The following ADAMTS17 variants were observed in gnomAD, a reference collection of about 807,000 sequenced individuals.
The protein encoded by ADAMTS17 is A disintegrin and metalloproteinase with thrombospondin motifs 17.
In ADAMTS17, 113 loss-of-function variants were observed where a neutral mutation model predicts 141.5. That is an observed-to-expected ratio of 0.80 (90% confidence interval 0.69 to 0.93). ADAMTS17 has a LOEUF of 0.93. Ranked by LOEUF, ADAMTS17 falls within the 40% of genes least tolerant of loss-of-function variation. The pLI is 0.00. For synonymous variants in ADAMTS17, 768 were observed against 630.6 expected, an observed-to-expected ratio of 1.22 and a Z score of -3.27; for missense variants, 1,659 against 1,517.9, an observed-to-expected ratio of 1.09 and a Z score of -1.54.
At chr15:100,038,445 A>G (rs557374034) in intron 18 of ADAMTS17, among the ~76,000 whole-genome samples, 1 of 152,354 alleles carries the variant, frequency 6.6e-6, no homozygotes, top group South Asian at 2.1e-4. Flanking sequence ...AAATCTATAG[A>G]TCAATTTGTA....
intron 15 of ADAMTS17, among the ~76,000 whole-genome samples, chr15:100,071,473 C>T (rs1381608199): frequency 1.3e-5 from 2 of 150,190 alleles, no homozygotes; most frequent in African/African-American, 2.5e-5. Flanking sequence ...CCCTGATGAA[C>T]ATTGATGCAA....
chr15:100,275,278 C>A (rs1407013404), intron 4 of ADAMTS17, among the ~76,000 whole-genome samples: 3 of 152,216 alleles, frequency 2.0e-5, no homozygotes, highest in Non-Finnish European at 4.4e-5. Context: ...CCTGGCCACA[C>A]AGGCTGGAGG....
intron 8 of ADAMTS17, among the ~76,000 whole-genome samples, chr15:100,162,478 T>G (rs1395600515): frequency 2.2e-5 from 3 of 133,704 alleles, no homozygotes; most frequent in Non-Finnish European, 3.2e-5. Flanking sequence ...ACATTATATG[T>G]GTATATATAT....
rs750759888 is a variant in ADAMTS17, at chr15:100,116,943, G to T, written c.1792C>A (p.Pro598Thr). The T allele has an allele frequency of 5.3e-5, 86 of 1,614,004 alleles. No homozygotes were observed. The highest frequency in any genetic ancestry group is 6.9e-5 in the Non-Finnish European group (81 of 1,180,046). ...EHAVCENLPC[P>T]KGLPSFRDQQ... ...TCCCGGAAGCTGGGCAGACCCTTGG[G>T]GCAGGGCAGGTTCTCGCAGACCGCA... The change falls in exon 13 of 22, where the codon CCC becomes ACC. Residue 598 changes from proline to threonine, a missense_variant. Coordinates refer to ENST00000268070, the MANE Select transcript of ADAMTS17 (RefSeq NM_139057.4).
intron 3 of ADAMTS17, among the ~76,000 whole-genome samples, chr15:100,290,991 A>T (rs910318090): frequency 9.9e-5 from 15 of 152,232 alleles, no homozygotes; most frequent in Admixed American, 2.6e-4. Flanking sequence ...ACAAAAACAA[A>T]AATTGACAAA....
At chr15:100,024,472 A>G (rs1214697772) in intron 18 of ADAMTS17, among the ~76,000 whole-genome samples, 1 of 152,140 alleles carries the variant, frequency 6.6e-6, no homozygotes, top group African/African-American at 2.4e-5. Flanking sequence ...TTTTGTCCAT[A>G]TTTTGGATGA....
chr15:100,149,480 C>A (rs1429285821), intron 10 of ADAMTS17, among the ~76,000 whole-genome samples: 1 of 151,796 alleles, frequency 6.6e-6, no homozygotes, highest in Non-Finnish European at 1.5e-5. Flanking sequence ...CCTGCTCCGT[C>A]CTGATTCATC....
intron 8 of ADAMTS17, among the ~76,000 whole-genome samples, chr15:100,171,319 C>A (rs1268809419): frequency 6.6e-6 from 1 of 152,182 alleles, no homozygotes; most frequent in African/African-American, 2.4e-5. Flanking sequence ...CCATGAGGGG[C>A]TTTATGGCCT....
At chr15:99,994,030 C>G (rs570547332) in intron 19 of ADAMTS17, among the ~76,000 whole-genome samples, 35 of 152,096 alleles carry the variant, frequency 2.3e-4, no homozygotes, top group Non-Finnish European at 1.3e-4. Context: ...GCTCCTGACA[C>G]GCCCACCACA....
chr15:100,046,305 A>G (rs1446803494), intron 18 of ADAMTS17, among the ~76,000 whole-genome samples: 1 of 152,120 alleles, frequency 6.6e-6, no homozygotes, highest in Non-Finnish European at 1.5e-5. Flanking sequence ...TTTATTTTAA[A>G]ATCTTATCCC....
intron 4 of ADAMTS17, among the ~76,000 whole-genome samples, chr15:100,280,328 G>T (rs1037078810): frequency 2.0e-5 from 3 of 151,754 alleles, no homozygotes; most frequent in Non-Finnish European, 4.4e-5. Context: ...CCCACATCCT[G>T]CCAGTCACCA....
At chr15:100,155,943 C>T (rs2039414041) in intron 8 of ADAMTS17, among the ~76,000 whole-genome samples, 2 of 152,110 alleles carry the variant, frequency 1.3e-5, no homozygotes, top group Non-Finnish European at 2.9e-5. Flanking sequence ...ATACACTTGC[C>T]CTCACTGGGG....
chr15:100,131,984 G>T (rs112603249), intron 12 of ADAMTS17, 23 bp downstream of exon 12: 8 of 1,614,220 alleles, frequency 5.0e-6, no homozygotes, highest in African/African-American at 4.0e-5. Flanking sequence ...GCACGTTGGG[G>T]TATGGCTGGT....
chr15:100,276,721 A>T (rs970600730), intron 4 of ADAMTS17, among the ~76,000 whole-genome samples: 2 of 152,130 alleles, frequency 1.3e-5, no homozygotes, highest in South Asian at 4.1e-4. Flanking sequence ...GCTCGCTGGC[A>T]TCACGTTCTG....
intron 21 of ADAMTS17, 98 bp from the exon 22 acceptor site, chr15:99,974,660 C>A: frequency 1.3e-6 from 2 of 1,500,372 alleles, no homozygotes; most frequent in African/African-American, 1.4e-5. Flanking sequence ...GTCTGGGCTC[C>A]CTCACCCTCG....
chr15:100,048,920 C>T lies in ADAMTS17; in HGVS notation c.2528G>A (p.Cys843Tyr), dbSNP rs1276127460. 6.8e-6 allele frequency: 11 copies of T among 1,614,176 alleles called. No homozygotes were observed. Among genetic ancestry groups the T allele is most frequent in the Non-Finnish European group, 9.3e-6 (11 of 1,180,026 alleles). The change falls in exon 18 of 22, where the codon TGC becomes TAC. Residue 843 changes from cysteine (C) to tyrosine (Y), a missense_variant. Transcript: ENST00000268070. ...KTTTLVNDSD[C>Y]PQASRPEPQV... is the part of the protein sequence containing the mutation. Reference sequence around the variant, plus strand: ...GGGCTCTGGGCGGCTTGCTTGAGGGCAGTCACTGTCGTTCACCAGAGTTGT... The same window carrying T: ...GGGCTCTGGGCGGCTTGCTTGAGGGTAGTCACTGTCGTTCACCAGAGTTGT...
chr15:100,040,993 C>A (rs1451957353), intron 18 of ADAMTS17, among the ~76,000 whole-genome samples: 1 of 152,198 alleles, frequency 6.6e-6, no homozygotes, highest in Non-Finnish European at 1.5e-5. Context: ...AAAACCATAT[C>A]TTTTCAGATT....
chr15:100,096,280 G>T, intron 15 of ADAMTS17, 76 bp downstream of exon 15: 2 of 1,602,082 alleles, frequency 1.2e-6, no homozygotes, highest in Non-Finnish European at 1.7e-6. Flanking sequence ...GAAATGTAGG[G>T]AAGACTGCAA....
intron 3 of ADAMTS17, among the ~76,000 whole-genome samples, chr15:100,315,564 G>A (rs1375427918): frequency 6.6e-6 from 1 of 152,190 alleles, no homozygotes; most frequent in East Asian, 1.9e-4. Flanking sequence ...TGCCAGCTGT[G>A]ATGGCTCACA....
Sources: gnomAD v4.1 joint callset for allele counts (sites outside exome capture counted in the v4.1 genomes callset) on GRCh38, gnomAD v4.1.1 for gene constraint, MANE v1.5 for transcripts, NCBI Gene and HGNC (gene_info 2026-07-23, HGNC 2026-07-21) for gene names.